Variants in KCND3 observed in about 807,000 individuals in gnomAD.
KCND3 encodes potassium voltage-gated channel subfamily D member 3.
A neutral mutation model predicts 51.1 loss-of-function variants in KCND3; 9 were observed. The ratio of observed to expected loss-of-function variants is 0.18; its 90% CI spans 0.11 to 0.31. The LOEUF (loss-of-function observed/expected upper bound fraction) is 0.31. Among genes scored for constraint, KCND3 ranks in the 10% least tolerant of loss-of-function variants. The pLI, the probability that KCND3 is intolerant of heterozygous loss-of-function variation, is 1.00. For missense variants in KCND3, 526 were observed against 903.8 expected (o/e 0.58, Z 5.36); for synonymous variants, 349 against 368.0 (o/e 0.95, Z 0.59).
At chr1:111,905,511 A>G (rs1670605111) in intron 2 of KCND3, among the ~76,000 whole-genome samples, 1 of 152,218 alleles carries the variant, frequency 6.6e-6, no homozygotes, top group Non-Finnish European at 1.5e-5. Flanking sequence ...GGTGTTTACC[A>G]AACACTGGAC....
chr1:111,956,731 G>A (rs1435654559), intron 2 of KCND3, among the ~76,000 whole-genome samples: 3 of 152,102 alleles, frequency 2.0e-5, no homozygotes, highest in Admixed American at 1.3e-4. Context: ...AAAAGCAGGC[G>A]CAGACCTCAA....
chr1:111,784,144 C>CACACA (rs59742862), intron 3 of KCND3, among the ~76,000 whole-genome samples: 8 of 149,360 alleles, frequency 5.4e-5, no homozygotes, highest in Non-Finnish European at 8.9e-5. Context: ...CACACACACA[C>CACACA]CAGTCCAAGT....
intron 2 of KCND3, among the ~76,000 whole-genome samples, chr1:111,953,911 C>T (rs1673186016): frequency 6.6e-6 from 1 of 152,196 alleles, no homozygotes. Flanking sequence ...AGATCACTCT[C>T]TACCCTTTCC....
intron 2 of KCND3, among the ~76,000 whole-genome samples, chr1:111,943,226 AC>A (rs1305921551): frequency 6.6e-6 from 1 of 152,104 alleles, no homozygotes; most frequent in Non-Finnish European, 1.5e-5. Flanking sequence ...CAGCCAGAGG[AC>A]CCTGGCTGAA....
At chr1:111,940,210 T>A (rs1424993182) in intron 2 of KCND3, among the ~76,000 whole-genome samples, 1 of 151,798 alleles carries the variant, frequency 6.6e-6, no homozygotes. Context: ...TTTTTTGCTG[T>A]GCGGAAGCTC....
At chr1:111,861,609 A>G (rs901236924) in intron 2 of KCND3, among the ~76,000 whole-genome samples, 30 of 152,148 alleles carry the variant, frequency 2.0e-4, no homozygotes, top group Non-Finnish European at 7.3e-5. Flanking sequence ...GCAGTGGAAG[A>G]GAACATGTCA....
intron 2 of KCND3, among the ~76,000 whole-genome samples, chr1:111,916,373 GA>G (rs1342295156): frequency 1.3e-5 from 2 of 151,974 alleles, no homozygotes; most frequent in East Asian, 1.9e-4. Context: ...ATTTTGAACT[GA>G]AAAAAATGAC....
chr1:111,837,243 C>T (rs1667106367), intron 2 of KCND3, among the ~76,000 whole-genome samples: 1 of 152,174 alleles, frequency 6.6e-6, no homozygotes, highest in Non-Finnish European at 1.5e-5. Flanking sequence ...TCTGATGTAA[C>T]AGTTCCCAGG....
rs777736918 is a variant in KCND3 at position 111,776,200 on chromosome 1, G to C, written c.1845C>G (p.Ile615Met). ...TTAGCGCTGGGGGAGTGGGGATGCT[G>C]ATGATGGCTGTGGTGATCTGGGATG... ...CKTSQITTAI[I>M]SIPTPPALTP... is the part of the protein sequence containing the mutation. Residue 615 changes from isoleucine to methionine, a missense_variant, in exon 8 of 8, where the codon ATC (isoleucine) becomes ATG (methionine). By Grantham distance (10) the Ile-to-Met change is conservative. Transcript: ENST00000302127. 1.2e-6 allele frequency: 2 copies of C among 1,614,252 alleles called. No individual in the cohort carries two copies. Among genetic ancestry groups the C allele is most frequent in the Admixed American group, 3.3e-5 (2 of 60,030 alleles).
At position 111,806,690 on chromosome 1, in the gene KCND3, C is replaced by T. The variant is rs112876622; in HGVS notation, c.1107-19584G>A. On this transcript the variant is annotated intron_variant, in intron 2 of 7. Coordinates refer to ENST00000302127, the MANE Select transcript of KCND3 (RefSeq NM_001378969.1). ...TTTCTTAAAAACATCAAAGACATAA[C>T]GAAGTAATAAGGAATCATGGGCCAT... is the stretch of plus-strand genomic sequence containing the variant. Among the ~76,000 whole-genome samples, 1,419 of 152,136 alleles carry T rather than the reference C, an allele frequency of 9.3e-3. 24 individuals carry two copies. Among genetic ancestry groups the T allele is most frequent in the African/African-American group, 0.033 (1,351 of 41,466 alleles).
Position 111,787,052 on chromosome 1 carries a change from G to A in KCND3, c.1161C>T (p.Cys387=), listed in dbSNP as rs375562789. Residue 387 remains cysteine (C), a synonymous_variant, in exon 3 of 8, where the codon TGC becomes TGT. Coordinates refer to ENST00000302127, the MANE Select transcript of KCND3 (RefSeq NM_001378969.1). ...CAATGACCAGGACGCCACTCAAGGA[G>A]CAGATGGAGCCGAAGATCTTCCCTG... ...TIAGKIFGSI[C]SLSGVLVIAL... is the part of the protein sequence containing the mutation. The A allele has an allele frequency of 1.2e-6, 2 of 1,614,078 alleles. No individual in the cohort carries two copies. Among genetic ancestry groups the A allele is most frequent in the Non-Finnish European group, 1.7e-6 (2 of 1,180,034 alleles).
intron 2 of KCND3, among the ~76,000 whole-genome samples, chr1:111,866,821 C>G (rs1313732451): frequency 6.6e-6 from 1 of 152,074 alleles, no homozygotes; most frequent in Admixed American, 6.6e-5. Context: ...GCTGACTTTC[C>G]TCTTTGATTT....
At chr1:111,846,753 G>A (rs751664966) in intron 2 of KCND3, among the ~76,000 whole-genome samples, 1 of 152,198 alleles carries the variant, frequency 6.6e-6, no homozygotes, top group Non-Finnish European at 1.5e-5. Flanking sequence ...TCACAGACAT[G>A]ACCTCATGTA....
intron 2 of KCND3, among the ~76,000 whole-genome samples, chr1:111,829,141 C>A (rs557711509): frequency 6.6e-6 from 1 of 152,296 alleles, no homozygotes; most frequent in East Asian, 1.9e-4. Flanking sequence ...TAAACAGAGT[C>A]ATGGTCACGA....
intron 2 of KCND3, among the ~76,000 whole-genome samples, chr1:111,915,372 C>T (rs56924032): frequency 0.023 from 3,484 of 151,442 alleles, 43 homozygotes; most frequent in Non-Finnish European, 0.033. Context: ...TATGTGCTAT[C>T]GGCAAGAAAC....
At chr1:111,834,235 T>A (rs1028218577) in intron 2 of KCND3, among the ~76,000 whole-genome samples, 1 of 152,194 alleles carries the variant, frequency 6.6e-6, no homozygotes, top group African/African-American at 2.4e-5. Flanking sequence ...AGATGCCCAC[T>A]AGGATTTGGA....
At chr1:111,872,609 T>TA (rs1668876310) in intron 2 of KCND3, among the ~76,000 whole-genome samples, 1 of 151,742 alleles carries the variant, frequency 6.6e-6, no homozygotes, top group African/African-American at 2.4e-5. Flanking sequence ...AGTGTTTTTT[T>TA]ATGGAAGGAG....
At chr1:111,869,904 AACAC>A (rs35756898) in intron 2 of KCND3, among the ~76,000 whole-genome samples, 2 of 151,058 alleles carry the variant, frequency 1.3e-5, no homozygotes, top group Admixed American at 1.3e-4. Flanking sequence ...CAAAAGAATG[AACAC>A]ACACACACAC....
chr1:111,974,074 T>A (rs1388286172), intron 2 of KCND3, among the ~76,000 whole-genome samples: 1 of 152,242 alleles, frequency 6.6e-6, no homozygotes, highest in Non-Finnish European at 1.5e-5. Context: ...GGCTCAGCTA[T>A]CTTCCCTCTC....
Sources: allele counts gnomAD v4.1 joint callset (sites outside exome capture counted in the v4.1 genomes callset), GRCh38; gene constraint gnomAD v4.1.1; transcripts MANE v1.5; gene names NCBI Gene and HGNC (gene_info 2026-07-23, HGNC 2026-07-21).